DMD: variants seen among roughly 807,000 people sequenced by gnomAD.
DMD encodes mutant dystrophin.
Under a neutral mutation model 330.1 loss-of-function variants are expected in DMD, and 63 were observed. That is an observed-to-expected ratio of 0.19 (90% CI 0.16 to 0.24). DMD has a LOEUF of 0.24. Ranked by LOEUF, DMD falls within the 10% of genes least tolerant of loss-of-function variation. DMD has a pLI of 1.00. For missense variants in DMD, 3,344 were observed against 2,684.1 expected, an observed-to-expected ratio of 1.25 and a Z score of -5.43; for synonymous variants, 1,223 against 959.8, an observed-to-expected ratio of 1.27 and a Z score of -5.07.
At chrX:31,656,410 G>C (rs1288030469) in intron 54 of DMD, among the ~76,000 whole-genome samples, 1 of 111,913 alleles carries the variant, frequency 8.9e-6, no homozygotes, top group Admixed American at 9.5e-5. Flanking sequence ...AATGAAGAGA[G>C]GGGTCTGTCA....
Position 32,656,202 on chromosome X carries a change from C to T in DMD, c.961-11050G>A, listed in dbSNP as rs73451028. 5.0e-3 allele frequency among the ~76,000 whole-genome samples: 564 copies of T among 111,799 alleles called. 5 individuals carry two copies. Among genetic ancestry groups the T allele is most frequent in the African/African-American group, 0.017 (520 of 30,780 alleles). On this transcript the variant is annotated intron_variant, in intron 9 of 78. Coordinates refer to ENST00000357033, the MANE Select transcript of DMD (RefSeq NM_004006.3). ...AACGCATCCAACTTCGTCATTAAGACGTAAATGGGCATAGATATGCTCTCT... is the reference window on the plus strand; with the variant it reads ...AACGCATCCAACTTCGTCATTAAGATGTAAATGGGCATAGATATGCTCTCT...
chrX:32,937,126 G>C (rs1750591395), intron 2 of DMD, among the ~76,000 whole-genome samples: 2 of 110,687 alleles, frequency 1.8e-5, no homozygotes, highest in Admixed American at 1.9e-4. Flanking sequence ...GGAAATTCAA[G>C]AAGGGATGAC....
intron 1 of DMD, among the ~76,000 whole-genome samples, chrX:33,082,631 G>T (rs1005364859): frequency 1.8e-5 from 2 of 112,326 alleles, no homozygotes; most frequent in Admixed American, 9.5e-5. Context: ...TTTCAGGCTT[G>T]CAAGGCTTTT....
At chrX:32,719,059 G>A (rs1277571816) in intron 7 of DMD, among the ~76,000 whole-genome samples, 3 of 111,485 alleles carry the variant, frequency 2.7e-5, no homozygotes, top group African/African-American at 9.8e-5. Flanking sequence ...AACTAGAGAA[G>A]GTAGGCAAAT....
intron 29 of DMD, among the ~76,000 whole-genome samples, chrX:32,429,775 G>C (rs775760294): frequency 5.5e-5 from 6 of 109,555 alleles, no homozygotes; most frequent in African/African-American, 2.0e-4. Context: ...AAAAGGGCTT[G>C]TGGCTGTAAC....
chrX:31,598,282 C>A, intron 55 of DMD, among the ~76,000 whole-genome samples: 1 of 110,615 alleles, frequency 9.0e-6, no homozygotes, highest in Non-Finnish European at 1.9e-5. Context: ...CCACATCCAA[C>A]TATTTTTTAA....
intron 45 of DMD, among the ~76,000 whole-genome samples, chrX:31,954,754 G>T (rs752593235): frequency 2.5e-4 from 27 of 110,197 alleles, no homozygotes; most frequent in Non-Finnish European, 4.2e-4. Flanking sequence ...AGGGAGAGGG[G>T]ACAAAGGGGA....
In DMD at chrX:31,893,426, G is replaced by T. The variant is rs183177031; in HGVS notation, c.6913-18053C>A. On this transcript the variant is annotated intron_variant, in intron 47 of 78. Coordinates refer to ENST00000357033, the MANE Select transcript of DMD (RefSeq NM_004006.3). Reference sequence around the variant, plus strand: ...CATGAAACCAGAACCCTACAGTTTTGTCTGAAGCACACTGCTTGTCCTACA... The same window carrying T: ...CATGAAACCAGAACCCTACAGTTTTTTCTGAAGCACACTGCTTGTCCTACA... Among the ~76,000 whole-genome samples the T allele has an allele frequency of 5.4e-5, 6 of 111,692 alleles. No homozygotes were observed. In the East Asian group the frequency reaches 1.7e-3, roughly 32 times the overall value.
chrX:32,653,779 C>A (rs1013230828), intron 9 of DMD, among the ~76,000 whole-genome samples: 3 of 111,862 alleles, frequency 2.7e-5, no homozygotes, highest in Non-Finnish European at 3.8e-5. Context: ...ATTGATTCTT[C>A]CTATCCATGA....
rs144817799 is a variant in DMD, at chrX:32,182,835, C to G, written c.6438+34081G>C. Among the ~76,000 whole-genome samples the G allele has an allele frequency of 0.01, 1,115 of 111,481 alleles. 41 individuals carry two copies. In the South Asian group the frequency reaches 0.16, roughly 16 times the overall value. On this transcript the variant is annotated intron_variant, in intron 44 of 78. Coordinates refer to ENST00000357033, the MANE Select transcript of DMD (RefSeq NM_004006.3). The stretch of plus-strand genomic sequence containing the variant: ...AAATAATTTAATGTGTAGTTTTCCC[C>G]TTTAAGTTTTGCCCTGTATCTTTTG...
chrX:32,088,886 C>A (rs1006491564), intron 44 of DMD, among the ~76,000 whole-genome samples: 3 of 111,200 alleles, frequency 2.7e-5, no homozygotes, highest in African/African-American at 6.5e-5. Context: ...AGTGTTCAGT[C>A]CGAGCCCTAA....
At chrX:33,336,599 C>A (rs1235673358) in intron 1 of DMD, among the ~76,000 whole-genome samples, 1 of 110,716 alleles carries the variant, frequency 9.0e-6, no homozygotes, top group Non-Finnish European at 1.9e-5. Context: ...AATATAAATG[C>A]CTTAGAGAAA....
intron 54 of DMD, among the ~76,000 whole-genome samples, chrX:31,650,692 A>G (rs376295457): frequency 1.6e-4 from 18 of 112,199 alleles, no homozygotes; most frequent in African/African-American, 5.8e-4. Flanking sequence ...GCAAAAATGT[A>G]TAACACTATT....
chrX:31,247,267 T>C (rs930731681), intron 63 of DMD, among the ~76,000 whole-genome samples: 10 of 111,395 alleles, frequency 9.0e-5, no homozygotes, highest in African/African-American at 2.9e-4. Flanking sequence ...TAGCTTGACA[T>C]AGACAGTGAT....
At chrX:32,448,694 G>A (rs2098315590) in intron 26 of DMD, 56 bp from the exon 27 acceptor site, 2 of 1,019,910 alleles carry the variant, frequency 2.0e-6, no homozygotes. Flanking sequence ...CATCCAAAAT[G>A]CATTTCTATG....
chrX:32,399,866 A>T (rs372777003), intron 30 of DMD, among the ~76,000 whole-genome samples: 1 of 111,943 alleles, frequency 8.9e-6, no homozygotes, highest in African/African-American at 3.2e-5. Flanking sequence ...GATAAAGAAA[A>T]TATGGTTTTC....
At chrX:32,521,550 C>G (rs1007247303) in intron 17 of DMD, among the ~76,000 whole-genome samples, 1 of 112,238 alleles carries the variant, frequency 8.9e-6, no homozygotes, top group African/African-American at 3.2e-5. Context: ...GAATTGCAAT[C>G]TATTTATCAA....
chrX:33,302,239 A>G (rs1230214327), intron 1 of DMD, among the ~76,000 whole-genome samples: 1 of 111,359 alleles, frequency 9.0e-6, no homozygotes, highest in African/African-American at 3.3e-5. Flanking sequence ...TGTCCATACT[A>G]TTTAATCATG....
chrX:32,292,917 C>T (rs1435283287), intron 42 of DMD, among the ~76,000 whole-genome samples: 2 of 112,233 alleles, frequency 1.8e-5, no homozygotes, highest in Non-Finnish European at 1.9e-5. Context: ...ACTGTGTTCT[C>T]GTGTCTTATT....
Sources: gnomAD v4.1 joint callset for allele counts (sites outside exome capture counted in the v4.1 genomes callset) on GRCh38, gnomAD v4.1.1 for gene constraint, MANE v1.5 for transcripts, NCBI Gene and HGNC (gene_info 2026-07-23, HGNC 2026-07-21) for gene names.